CEP128: variants seen among roughly 807,000 people sequenced by gnomAD.
CEP128 encodes centrosomal protein 128.
CEP128 carries 132 observed loss-of-function variants against 156.7 expected under a neutral mutation model. That is an observed-to-expected ratio of 0.84 (90% CI 0.73 to 0.97). CEP128 has a LOEUF of 0.97. Among genes scored for constraint, CEP128 ranks in the 50% least tolerant of loss-of-function variants. The pLI is 0.00. For synonymous variants in CEP128, 469 were observed against 448.9 expected, an observed-to-expected ratio of 1.04 and a Z score of -0.57; for missense variants, 1,252 against 1,281.9, an observed-to-expected ratio of 0.98 and a Z score of 0.36.
chr14:80,786,261 A>G (rs746299561), intron 14 of CEP128, among the ~76,000 whole-genome samples: 1 of 152,162 alleles, frequency 6.6e-6, no homozygotes, highest in Non-Finnish European at 1.5e-5. Context: ...CTCACCACCT[A>G]ATCATTGCAA....
chr14:80,659,458 G>T (rs1566839829), intron 19 of CEP128, among the ~76,000 whole-genome samples: 1 of 152,104 alleles, frequency 6.6e-6, no homozygotes. Context: ...AATGAATAAA[G>T]ACACGCATGC....
At chr14:80,905,321 A>G (rs1478379553) in intron 5 of CEP128, 1 of 156,604 alleles carries the variant, frequency 6.4e-6, no homozygotes, top group East Asian at 1.9e-4. Context: ...ACAGCATATA[A>G]AAATAAAAAC....
In CEP128 at chr14:80,526,844, T is replaced by C. The variant is rs76278870; in HGVS notation, c.3072+25A>G. ...TTAAACATGGATACTACTTAAAGAC[T>C]AAAAAAGTATATAAAGAAAATTACT... On this transcript the variant is annotated intron_variant, in intron 23 of 24. Transcript: ENST00000555265. 6.5e-3 allele frequency: 8,797 copies of C among 1,354,920 alleles called. 61 individuals are homozygous for C. The highest frequency in any genetic ancestry group is 6.5e-3 in the Non-Finnish European group (6,190 of 949,618). The allele number at this position is 1,354,920 out of a possible 1,614,324, so 83.9% of individuals were successfully genotyped here. A position where few individuals can be genotyped will look rare whatever the true frequency, so the allele number is the denominator to read the frequency against.
intron 16 of CEP128, among the ~76,000 whole-genome samples, chr14:80,772,186 C>A (rs1900545448): frequency 1.3e-5 from 2 of 152,038 alleles, no homozygotes; most frequent in South Asian, 4.2e-4. Flanking sequence ...GTTTTTGTGC[C>A]CATAAGTTGC....
intron 19 of CEP128, among the ~76,000 whole-genome samples, chr14:80,596,262 T>C (rs1371981400): frequency 3.3e-5 from 5 of 152,092 alleles, no homozygotes; most frequent in Admixed American, 3.3e-4. Context: ...TGTAATGATA[T>C]AGGTTAGGTA....
At chr14:80,603,032 G>A (rs1393690481) in intron 19 of CEP128, among the ~76,000 whole-genome samples, 1 of 152,138 alleles carries the variant, frequency 6.6e-6, no homozygotes, top group Non-Finnish European at 1.5e-5. Flanking sequence ...TTATTAAGGA[G>A]GACCAGAAAC....
chr14:80,603,903 G>C (rs1892678185), intron 19 of CEP128, among the ~76,000 whole-genome samples: 1 of 152,096 alleles, frequency 6.6e-6, no homozygotes, highest in Admixed American at 6.6e-5. Flanking sequence ...ACCTTGTAAA[G>C]TGGAAATTAA....
At chr14:80,585,330 T>A (rs1260585272) in intron 19 of CEP128, among the ~76,000 whole-genome samples, 1 of 152,226 alleles carries the variant, frequency 6.6e-6, no homozygotes, top group African/African-American at 2.4e-5. Context: ...TCTGGCTGTT[T>A]AAGGAGGTTT....
intron 19 of CEP128, among the ~76,000 whole-genome samples, chr14:80,695,208 GAAAAA>G (rs1009132869): frequency 2.8e-5 from 4 of 143,118 alleles, no homozygotes; most frequent in Admixed American, 7.0e-5. Context: ...GAAAAGAAAA[GAAAAA>G]AAAAAAACTT....
At chr14:80,583,408 T>C (rs11845635) in intron 19 of CEP128, among the ~76,000 whole-genome samples, 8,249 of 152,162 alleles carry the variant, frequency 0.054, 715 homozygotes, top group African/African-American at 0.19. Flanking sequence ...ATGAAACTTT[T>C]GGTCAAGAGG....
chr14:80,737,751 A>G (rs1286914287), intron 19 of CEP128, among the ~76,000 whole-genome samples: 1 of 151,734 alleles, frequency 6.6e-6, no homozygotes, highest in Non-Finnish European at 1.5e-5. Context: ...TTAGCCAGGC[A>G]TGGTGGCATG....
chr14:80,809,937 TAA>T (rs912210678), intron 13 of CEP128, among the ~76,000 whole-genome samples: 1 of 148,978 alleles, frequency 6.7e-6, no homozygotes, highest in East Asian at 2.0e-4. Context: ...AACATAAAAA[TAA>T]AAAAAAGACT....
rs535442539 is a variant in CEP128 at position 80,704,947 on chromosome 14, C to T, written c.2806+38128G>A. ...TCATCAATGCATGACCAATCTTTTT[C>T]ACCTGTATCCAAAGCCACTTAACCA... On this transcript the variant is annotated intron_variant, in intron 19 of 24. Coordinates refer to ENST00000555265, the MANE Select transcript of CEP128 (RefSeq NM_152446.5). Among the ~76,000 whole-genome samples the T allele has an allele frequency of 2.7e-4, 41 of 152,122 alleles. 1 individual carries two copies. The highest frequency in any genetic ancestry group is 6.8e-3 in the Middle Eastern group (2 of 294).
At chr14:80,509,645 G>T (rs1269572855) in intron 23 of CEP128, among the ~76,000 whole-genome samples, 2 of 152,082 alleles carry the variant, frequency 1.3e-5, no homozygotes, top group African/African-American at 4.8e-5. Context: ...TTAACTTTAT[G>T]TGATCCCAGC....
chr14:80,520,117 A>G (rs1594941454), intron 23 of CEP128, among the ~76,000 whole-genome samples: 1 of 152,178 alleles, frequency 6.6e-6, no homozygotes, highest in East Asian at 1.9e-4. Context: ...TTGATAGAAC[A>G]ATATTAAAAA....
chr14:80,848,045 C>T (rs1394631663), intron 9 of CEP128, among the ~76,000 whole-genome samples: 1 of 152,178 alleles, frequency 6.6e-6, no homozygotes, highest in Non-Finnish European at 1.5e-5. Context: ...ACAAGCAAAG[C>T]AGGTAAGTCC....
At chr14:80,607,071 A>G (rs1190944581) in intron 19 of CEP128, among the ~76,000 whole-genome samples, 1 of 151,688 alleles carries the variant, frequency 6.6e-6, no homozygotes, top group African/African-American at 2.4e-5. Context: ...ATATGTGTGC[A>G]TCGAATATAT....
intron 15 of CEP128, among the ~76,000 whole-genome samples, chr14:80,781,761 GTCC>G (rs1901132986): frequency 6.6e-6 from 1 of 152,086 alleles, no homozygotes; most frequent in African/African-American, 2.4e-5. Context: ...ATGATATATT[GTCC>G]ATATGCCAAT....
chr14:80,699,151 T>C (rs761858235), intron 19 of CEP128, among the ~76,000 whole-genome samples: 11 of 152,172 alleles, frequency 7.2e-5, no homozygotes, highest in Non-Finnish European at 8.8e-5. Flanking sequence ...ACACATTCAG[T>C]ACAATGCCTT....
Sources: gnomAD v4.1 joint callset for allele counts (sites outside exome capture counted in the v4.1 genomes callset) on GRCh38, gnomAD v4.1.1 for gene constraint, MANE v1.5 for transcripts, NCBI Gene and HGNC (gene_info 2026-07-23, HGNC 2026-07-21) for gene names.